The following PTCHD4 variants were observed in gnomAD, a reference collection of about 807,000 sequenced individuals.
PTCHD4 encodes patched domain-containing protein 4.
In PTCHD4, 33 loss-of-function variants were observed where a neutral mutation model predicts 58.1. The ratio of observed to expected loss-of-function variants is 0.57; its 90% confidence interval spans 0.43 to 0.76. The LOEUF is 0.76. PTCHD4 is among the 30% of genes least tolerant of loss of function. The probability of loss-of-function intolerance (pLI) is 0.00; values close to 1 mark genes in which losing one functional copy is unlikely to be tolerated. For missense variants in PTCHD4, 1,058 were observed against 1,027.1 expected (o/e 1.03, Z -0.41); for synonymous variants, 478 against 409.6 (o/e 1.17, Z -2.02).
chr6:48,020,078 G>A (rs1255073089), intron 3 of PTCHD4, among the ~76,000 whole-genome samples: 2 of 152,092 alleles, frequency 1.3e-5, no homozygotes. Flanking sequence ...TCTCAGAGAT[G>A]GACACTGGCA....
In PTCHD4 at chr6:48,032,246, G is replaced by A. The variant is rs186979736; in HGVS notation, c.418-23132C>T. ...GATGACCTCACAAATTTCCTGTTTC[G>A]TAGCCAGACATCTGTAAAGATGGAA... is the stretch of plus-strand genomic sequence containing the variant. On this transcript the variant is annotated intron_variant, in intron 3 of 4. Transcript: ENST00000339488. 1.1e-4 allele frequency among the ~76,000 whole-genome samples: 17 copies of A among 152,170 alleles called. No individual in the cohort carries two copies. The East Asian group carries it at 1.9e-3, about 17-fold the overall frequency.
chr6:47,965,847 G>A lies in PTCHD4; in HGVS notation c.898+42787C>T, dbSNP rs1307780944. 4.6e-5 allele frequency among the ~76,000 whole-genome samples: 7 copies of A among 152,076 alleles called. No homozygotes were observed. In the East Asian group the frequency reaches 5.8e-4, roughly 13 times the overall value. Reference sequence around the variant, plus strand: ...GGAGAATGGCATGAACCCGGGAGGCGGGGCTTGCAGTGAGCTGAGATCCGG... The same window carrying A: ...GGAGAATGGCATGAACCCGGGAGGCAGGGCTTGCAGTGAGCTGAGATCCGG... On this transcript the variant is annotated intron_variant, in intron 4 of 4. Coordinates refer to ENST00000339488, the MANE Select transcript of PTCHD4 (RefSeq NM_001384253.1).
rs560020396 is a variant in PTCHD4, at chr6:48,063,154, C to A, written c.417+5076G>T. On this transcript the variant is annotated intron_variant, in intron 3 of 4. Transcript: ENST00000339488. ...TAAGCCACTGGCTCAAAACTTTGGG[C>A]CAGGTTACAGGAATCTACTTTTAGC... is the stretch of plus-strand genomic sequence containing the variant. Among the ~76,000 whole-genome samples, 28 of 152,226 alleles carry A rather than the reference C, an allele frequency of 1.8e-4. No individual in the cohort carries two copies. The South Asian group carries it at 5.6e-3, about 30-fold the overall frequency.
intron 4 of PTCHD4, among the ~76,000 whole-genome samples, chr6:47,990,143 T>C (rs993754674): frequency 3.3e-5 from 5 of 152,158 alleles, no homozygotes; most frequent in Non-Finnish European, 7.4e-5. Flanking sequence ...ATTTCTCCCC[T>C]TTGGAATGAC....
chr6:48,035,063 C>A (rs561414301), intron 3 of PTCHD4, among the ~76,000 whole-genome samples: 4 of 152,078 alleles, frequency 2.6e-5, no homozygotes, highest in Non-Finnish European at 5.9e-5. Context: ...ATATCAAATG[C>A]AAAATGCTTT....
intron 3 of PTCHD4, among the ~76,000 whole-genome samples, chr6:48,010,438 A>G (rs74549567): frequency 0.06 from 9,179 of 152,168 alleles, 379 homozygotes; most frequent in African/African-American, 0.11. Context: ...TAGCTCAGAC[A>G]CTTATATCTA....
At chr6:47,967,471 A>G (rs145582823) in intron 4 of PTCHD4, among the ~76,000 whole-genome samples, 113 of 152,322 alleles carry the variant, frequency 7.4e-4, no homozygotes, top group African/African-American at 2.6e-3. Flanking sequence ...GTCACCAGCA[A>G]TATCAGCCCT....
intron 3 of PTCHD4, among the ~76,000 whole-genome samples, chr6:48,030,553 A>G (rs985680494): frequency 6.6e-6 from 1 of 152,110 alleles, no homozygotes; most frequent in African/African-American, 2.4e-5. Context: ...CTCCAAGTCA[A>G]TCACCATCAC....
rs576183577 is a variant in PTCHD4, at chr6:47,862,049, G to A, written c.*16254C>T. Among the ~76,000 whole-genome samples the A allele has an allele frequency of 4.9e-4, 75 of 151,810 alleles. No individual in the cohort carries two copies. Among genetic ancestry groups the A allele is most frequent in the African/African-American group, 1.5e-3 (61 of 41,444 alleles). ...ACATAACCCAGTACTCTAAGTATTCGAATTTAATACAAAAAGAAAATCTAT... is the reference window on the plus strand; with the variant it reads ...ACATAACCCAGTACTCTAAGTATTCAAATTTAATACAAAAAGAAAATCTAT... On this transcript the variant is annotated 3_prime_UTR_variant, in exon 5 of 5. Transcript: ENST00000339488.
chr6:47,895,926 A>G (rs1461650265), intron 4 of PTCHD4, among the ~76,000 whole-genome samples: 7 of 152,198 alleles, frequency 4.6e-5, no homozygotes, highest in Non-Finnish European at 1.0e-4. Flanking sequence ...TCATATAGCA[A>G]TGAAAATGCC....
At chr6:48,085,933 T>C (rs901165040) in intron 1 of PTCHD4, among the ~76,000 whole-genome samples, 2 of 152,120 alleles carry the variant, frequency 1.3e-5, no homozygotes, top group Non-Finnish European at 2.9e-5. Flanking sequence ...TCATCTAATT[T>C]GACAATGAAA....
chr6:47,893,477 T>C (rs553593468), intron 4 of PTCHD4, among the ~76,000 whole-genome samples: 1 of 152,214 alleles, frequency 6.6e-6, no homozygotes, highest in Non-Finnish European at 1.5e-5. Context: ...GAGTCATCAT[T>C]TTATCATGCA....
Position 48,068,601 on chromosome 6 carries a change from G to C in PTCHD4, c.46C>G (p.Leu16Val). ...APASWIWWRM[L>V]RQVLRRGLQS... ...AGCCCTCTGCGAAGCACCTGCCGCA[G>C]CATCCTCCACCAGATCCAGCTCGCA... The change falls in exon 3 of 5, where the codon CTG (leucine) becomes GTG (valine). Residue 16 changes from leucine (L) to valine (V), a missense_variant. Leu to Val is a conservative substitution (Grantham distance 32). Transcript: ENST00000339488. The surrounding 1 kb of genome is among the most constrained non-coding windows in gnomAD (Gnocchi z 4.2). 1.3e-6 allele frequency: 2 copies of C among 1,577,466 alleles called. No homozygotes were observed. The highest frequency in any genetic ancestry group is 1.3e-5 in the African/African-American group (1 of 74,282).
chr6:47,890,850 A>G lies in PTCHD4; in HGVS notation c.899-10914T>C, dbSNP rs985996815. On this transcript the variant is annotated intron_variant, in intron 4 of 4. Transcript: ENST00000339488. ...TCCTGCTCTCTCTCTTTCCCTGCTA[A>G]ATAGCCACTATCAGGAAGTTTTCAA... 11 of 972,400 alleles carry G rather than the reference A, an allele frequency of 1.1e-5. No individual in the cohort carries two copies. The African/African-American group carries it at 1.4e-4, about 12-fold the overall frequency. 60.2% of individuals were successfully genotyped at this position (972,400 alleles called of 1,614,324 possible).
intron 4 of PTCHD4, among the ~76,000 whole-genome samples, chr6:47,951,855 G>GA (rs910300502): frequency 2.2e-4 from 32 of 148,332 alleles, no homozygotes; most frequent in African/African-American, 7.4e-4. Context: ...AGATAGAAAA[G>GA]AAAAAAAAAG....
chr6:47,897,903 A>T (rs372722496), intron 4 of PTCHD4, among the ~76,000 whole-genome samples: 2 of 139,084 alleles, frequency 1.4e-5, no homozygotes, highest in East Asian at 4.2e-4. Flanking sequence ...TTTATTCTAT[A>T]TCTGTTATCA....
At chr6:47,978,014 G>T (rs1035748737) in intron 4 of PTCHD4, among the ~76,000 whole-genome samples, 1 of 152,082 alleles carries the variant, frequency 6.6e-6, no homozygotes, top group Non-Finnish European at 1.5e-5. Context: ...AACTCTAGTC[G>T]TTCCTTAAGT....
Position 47,869,328 on chromosome 6 carries a change from C to A in PTCHD4, c.*8975G>T, listed in dbSNP as rs565689077. On this transcript the variant is annotated 3_prime_UTR_variant, in exon 5 of 5. Coordinates refer to ENST00000339488, the MANE Select transcript of PTCHD4 (RefSeq NM_001384253.1). ...TAATCTCTGGGTACTACTGAGGAGC[C>A]GCTGGCTCACTCATTGTCTCCATCT... Among the ~76,000 whole-genome samples the A allele has an allele frequency of 6.6e-6, 1 of 151,780 alleles. No homozygotes were observed. The highest frequency in any genetic ancestry group is 1.5e-5 in the Non-Finnish European group (1 of 67,772).
chr6:48,013,957 G>T (rs1174083309), intron 3 of PTCHD4, among the ~76,000 whole-genome samples: 1 of 151,894 alleles, frequency 6.6e-6, no homozygotes, highest in African/African-American at 2.4e-5. Flanking sequence ...GGCTAGTGTC[G>T]GTTTTTAAAC....
Sources: gnomAD v4.1 joint callset for allele counts (sites outside exome capture counted in the v4.1 genomes callset) on GRCh38, gnomAD v4.1.1 for gene constraint, Gnocchi (gnomAD v3.1) non-coding constraint, MANE v1.5 for transcripts, NCBI Gene and HGNC (gene_info 2026-07-23, HGNC 2026-07-21) for gene names.